Variants in GDAP1 observed in about 807,000 individuals in gnomAD.
GDAP1 encodes the protein ganglioside-induced differentiation-associated protein 1.
In GDAP1, 34 loss-of-function variants were observed where a neutral mutation model predicts 40.1. That is an observed-to-expected ratio of 0.85 (90% CI 0.64 to 1.13). The LOEUF (loss-of-function observed/expected upper bound fraction) is 1.13. GDAP1 is among the 50% of genes most tolerant of loss of function. The pLI, the probability that GDAP1 is intolerant of heterozygous loss-of-function variation, is 0.00. For synonymous variants in GDAP1, 170 were observed against 157.4 expected (o/e 1.08, Z -0.60); for missense variants, 374 against 433.7 (o/e 0.86, Z 1.22).
At chr8:74,413,936 C>G (rs191974557) in intron 2 of GDAP1, among the ~76,000 whole-genome samples, 1 of 150,004 alleles carries the variant, frequency 6.7e-6, no homozygotes, top group East Asian at 1.9e-4. Flanking sequence ...TTATGAATTC[C>G]TGAGCTCACC....
chr8:74,440,940 T>C (rs1276512464), intron 2 of GDAP1, among the ~76,000 whole-genome samples: 2 of 152,150 alleles, frequency 1.3e-5, no homozygotes, highest in Non-Finnish European at 2.9e-5. Flanking sequence ...CATAAATATT[T>C]CCCTTCTAAT....
chr8:74,358,004 G>A (rs189875586), intron 2 of GDAP1, among the ~76,000 whole-genome samples: 116 of 152,296 alleles, frequency 7.6e-4, no homozygotes, highest in African/African-American at 2.7e-3. Flanking sequence ...TGTGAGGATG[G>A]CAGCGCAGTG....
chr8:74,426,131 A>C (rs1386456125), intron 2 of GDAP1, among the ~76,000 whole-genome samples: 3 of 152,252 alleles, frequency 2.0e-5, no homozygotes, highest in Non-Finnish European at 4.4e-5. Flanking sequence ...CTGACTATAC[A>C]TATTTTTTAA....
intron 2 of GDAP1, among the ~76,000 whole-genome samples, chr8:74,372,680 G>A (rs575504998): frequency 6.6e-6 from 1 of 152,292 alleles, no homozygotes; most frequent in South Asian, 2.1e-4. Flanking sequence ...TTTGTCAGAT[G>A]AGTAGATTGC....
intron 2 of GDAP1, among the ~76,000 whole-genome samples, chr8:74,394,368 A>G (rs1054163225): frequency 6.6e-6 from 1 of 152,200 alleles, no homozygotes; most frequent in Non-Finnish European, 1.5e-5. Context: ...CAGCCAAACC[A>G]TATCACAAAC....
intron 2 of GDAP1, among the ~76,000 whole-genome samples, chr8:74,457,234 G>A (rs1021796636): frequency 4.6e-5 from 7 of 151,964 alleles, no homozygotes; most frequent in South Asian, 4.1e-4. Flanking sequence ...TACCCTTTCC[G>A]CAGATCATTT....
intron 2 of GDAP1, among the ~76,000 whole-genome samples, chr8:74,356,702 G>GTA (rs1165545008): frequency 0.013 from 865 of 68,164 alleles, 37 homozygotes; most frequent in African/African-American, 0.046. Context: ...TTGTGTGTGT[G>GTA]TATATATATA....
chr8:74,409,037 T>C (rs139050423), intron 2 of GDAP1, among the ~76,000 whole-genome samples: 1 of 150,028 alleles, frequency 6.7e-6, no homozygotes, highest in African/African-American at 2.5e-5. Context: ...TTGGGGTACG[T>C]GTAAAAATAA....
chr8:74,356,938 A>T (rs1191728290), intron 2 of GDAP1, among the ~76,000 whole-genome samples: 2 of 151,810 alleles, frequency 1.3e-5, no homozygotes, highest in African/African-American at 4.8e-5. Context: ...TGGTCTCTCG[A>T]TCTCCTGACC....
chr8:74,392,953 AC>A (rs1355097163), intron 2 of GDAP1, among the ~76,000 whole-genome samples: 1 of 152,236 alleles, frequency 6.6e-6, no homozygotes, highest in Non-Finnish European at 1.5e-5. Flanking sequence ...GCAGTTTGTT[AC>A]AGAAGCTAGC....
At chr8:74,405,756 T>A (rs1244392741) in intron 2 of GDAP1, among the ~76,000 whole-genome samples, 1 of 150,114 alleles carries the variant, frequency 6.7e-6, no homozygotes, top group Non-Finnish European at 1.5e-5. Flanking sequence ...TCACAGTAAC[T>A]CCTGACATTG....
intron 2 of GDAP1, among the ~76,000 whole-genome samples, chr8:74,464,326 G>T (rs1409735815): frequency 1.3e-5 from 2 of 152,196 alleles, no homozygotes; most frequent in Admixed American, 1.3e-4. Flanking sequence ...TTGATAAGTT[G>T]TAGCATTATA....
intron 2 of GDAP1, among the ~76,000 whole-genome samples, chr8:74,383,455 G>A (rs1444870377): frequency 6.6e-6 from 1 of 152,142 alleles, no homozygotes; most frequent in Admixed American, 6.5e-5. Flanking sequence ...GAGAGAGAAG[G>A]ACCTGGCTGC....
chr8:74,470,612 C>A (rs1586845064), intron 2 of GDAP1, among the ~76,000 whole-genome samples: 1 of 152,200 alleles, frequency 6.6e-6, no homozygotes, highest in African/African-American at 2.4e-5. Flanking sequence ...CATAGTATTT[C>A]ATGGTGTATA....
At chr8:74,371,641 C>G (rs528531662), downstream of GDAP1, among the ~76,000 whole-genome samples, 115 of 146,732 alleles carry the variant, frequency 7.8e-4, no homozygotes, top group African/African-American at 2.8e-3. Context: ...GCCTGGGCGA[C>G]AGAGCGAGAC....
chr8:74,459,314 G>A (rs1315681140), intron 2 of GDAP1, among the ~76,000 whole-genome samples: 2 of 152,190 alleles, frequency 1.3e-5, no homozygotes, highest in East Asian at 1.9e-4. Context: ...GGAGCTGGCA[G>A]GATATAGATT....
At chr8:74,482,798 T>C (rs1806728698) in intron 2 of GDAP1, among the ~76,000 whole-genome samples, 1 of 152,220 alleles carries the variant, frequency 6.6e-6, no homozygotes, top group Admixed American at 6.5e-5. Flanking sequence ...AGAACTTTGG[T>C]GTGAAATGAT....
At chr8:74,451,425 A>G (rs182805311) in intron 2 of GDAP1, among the ~76,000 whole-genome samples, 2,332 of 66,650 alleles carry the variant, frequency 0.035, 823 homozygotes, top group Middle Eastern at 0.065. Context: ...ACTCTAGCCT[A>G]GGCGACAGAG....
At position 74,454,610 on chromosome 8, in the gene GDAP1, A is replaced by C. The variant is rs1486723845; in HGVS notation, c.166-34068A>C. Among the ~76,000 whole-genome samples, 26 of 83,216 alleles carry C rather than the reference A, an allele frequency of 3.1e-4. 9 individuals are homozygous for C. The highest frequency in any genetic ancestry group is 6.1e-4 in the Non-Finnish European group (25 of 40,880). The allele number at this position is 83,216 out of a possible 152,430, so 54.6% of individuals were successfully genotyped here. On this transcript the variant is annotated intron_variant, in intron 2 of 2. Transcript: ENST00000523640. The stretch of plus-strand genomic sequence containing the variant: ...GATGGTGTTCTTCCAAATAAACTCA[A>C]GGGTAACAGGGGATTTTCTTAGGGA...
Sources: allele counts gnomAD v4.1 joint callset (sites outside exome capture counted in the v4.1 genomes callset), GRCh38; gene constraint gnomAD v4.1.1; transcripts MANE v1.5; gene names NCBI Gene and HGNC (gene_info 2026-07-23, HGNC 2026-07-21).